Variants in ANK2 observed in about 807,000 individuals in gnomAD.
The protein encoded by ANK2 is ankyrin 2.
Under a neutral mutation model 360.5 loss-of-function variants are expected in ANK2, and 83 were observed. The ratio of observed to expected loss-of-function variants is 0.23; its 90% CI spans 0.19 to 0.28. ANK2 has a LOEUF of 0.28. Ranked by LOEUF, ANK2 falls within the 10% of genes least tolerant of loss-of-function variation. ANK2 has a pLI of 1.00. For synonymous variants in ANK2, 1,740 were observed against 1,759.5 expected, an observed-to-expected ratio of 0.99 and a Z score of 0.28; for missense variants, 4,201 against 4,795.7, an observed-to-expected ratio of 0.88 and a Z score of 3.66.
chr4:112,849,771 A>C (rs60327880), intron 1 of ANK2, among the ~76,000 whole-genome samples: 3,555 of 152,286 alleles, frequency 0.023, 123 homozygotes, highest in African/African-American at 0.08. Flanking sequence ...TGTGATGGTT[A>C]ACTTTACATG....
intron 2 of ANK2, among the ~76,000 whole-genome samples, chr4:113,040,957 G>A (rs966683988): frequency 1.3e-5 from 2 of 152,044 alleles, no homozygotes; most frequent in African/African-American, 4.8e-5. Context: ...GTTTAGGCAA[G>A]ATGCCTTCCC....
chr4:113,288,463 G>A lies in ANK2; in HGVS notation c.2254G>A (p.Ala752Thr). Residue 752 changes from alanine (A) to threonine (T), a missense_variant, in exon 20 of 46, where the codon GCA (alanine) becomes ACA (threonine). Coordinates refer to ENST00000357077, the MANE Select transcript of ANK2 (RefSeq NM_001148.6). Reference protein sequence around the residue: ...KMVNFLLKQGANVNAKTKNGY... With the variant: ...KMVNFLLKQGTNVNAKTKNGY... ...GGTCAACTTTCTTCTGAAGCAGGGA[G>A]CAAATGTTAACGCAAAAACCAAGGT... 6.2e-7 allele frequency: 1 copy of A among 1,613,912 alleles called. No individual in the cohort carries two copies. Among genetic ancestry groups the A allele is most frequent in the Non-Finnish European group, 8.5e-7 (1 of 1,179,888 alleles).
At chr4:112,964,282 A>G (rs2036190957) in intron 2 of ANK2, among the ~76,000 whole-genome samples, 1 of 151,410 alleles carries the variant, frequency 6.6e-6, no homozygotes, top group Non-Finnish European at 1.5e-5. Context: ...CAATTAAATT[A>G]TTTTTTGTAC....
intron 2 of ANK2, among the ~76,000 whole-genome samples, chr4:112,941,720 T>C (rs1281212285): frequency 3.4e-5 from 5 of 147,738 alleles, no homozygotes; most frequent in Middle Eastern, 3.6e-3. Flanking sequence ...GATATATTTA[T>C]AAAAATTATA....
At chr4:113,165,377 G>A (rs2154406626) in intron 1 of ANK2, among the ~76,000 whole-genome samples, 1 of 152,126 alleles carries the variant, frequency 6.6e-6, no homozygotes, top group Non-Finnish European at 1.5e-5. Flanking sequence ...TTCTATTGCT[G>A]GCCTGAAGAA....
intron 20 of ANK2, among the ~76,000 whole-genome samples, chr4:113,289,374 A>G (rs1321801662): frequency 6.6e-6 from 1 of 151,910 alleles, no homozygotes; most frequent in Admixed American, 6.6e-5. Context: ...TGCCCGGCTA[A>G]TTTTTAAAAG....
intron 2 of ANK2, among the ~76,000 whole-genome samples, chr4:112,968,875 T>G (rs1252831705): frequency 6.6e-6 from 1 of 152,202 alleles, no homozygotes; most frequent in Non-Finnish European, 1.5e-5. Context: ...CATTTTAATT[T>G]GGTAATAGAT....
chr4:112,957,007 GTTTTTTTTTTTT>G (rs56066718), intron 2 of ANK2, among the ~76,000 whole-genome samples: 5 of 66,484 alleles, frequency 7.5e-5, no homozygotes, highest in African/African-American at 2.4e-4. Flanking sequence ...TATTGCTCTT[GTTTTTTTTTTTT>G]TTTTTTTTTT....
At chr4:112,984,022 C>T (rs756403356) in intron 2 of ANK2, among the ~76,000 whole-genome samples, 1 of 152,102 alleles carries the variant, frequency 6.6e-6, no homozygotes, top group Non-Finnish European at 1.5e-5. Flanking sequence ...ATTTGACATC[C>T]CACTGCCTAA....
rs1361013948 is a variant in ANK2 at position 113,097,887 on chromosome 4, C to T, written c.84+48075C>T. On this transcript the variant is annotated intron_variant, in intron 1 of 45. Transcript: ENST00000357077. ...GTGTGTATATATATGCACACACACACACACGCACACACACATATATATGTA... is the reference window on the plus strand; with the variant it reads ...GTGTGTATATATATGCACACACACATACACGCACACACACATATATATGTA... Among the ~76,000 whole-genome samples the T allele has an allele frequency of 1.4e-3, 119 of 83,976 alleles. 1 individual carries two copies. Among genetic ancestry groups the T allele is most frequent in the South Asian group, 4.4e-3 (10 of 2,284 alleles). 55.1% of individuals were successfully genotyped at this position (83,976 alleles called of 152,430 possible).
chr4:113,006,586 C>T (rs561505721), intron 2 of ANK2, among the ~76,000 whole-genome samples: 38 of 152,204 alleles, frequency 2.5e-4, no homozygotes, highest in African/African-American at 8.7e-4. Context: ...TATAAATGGG[C>T]ACAGGATTTC....
chr4:113,217,483 G>A (rs552689487), intron 4 of ANK2, among the ~76,000 whole-genome samples: 1 of 152,114 alleles, frequency 6.6e-6, no homozygotes, highest in African/African-American at 2.4e-5. Flanking sequence ...CCAAAGCAGC[G>A]GTTGCCAAGG....
At chr4:112,852,864 C>T (rs1286205026) in intron 1 of ANK2, among the ~76,000 whole-genome samples, 1 of 152,178 alleles carries the variant, frequency 6.6e-6, no homozygotes, top group Non-Finnish European at 1.5e-5. Flanking sequence ...GGAGAAAAGA[C>T]AGATCGTCGT....
Position 113,302,856 on chromosome 4 carries a change from A to G in ANK2, c.2548+17A>G, listed in dbSNP as rs1587708241. On this transcript the variant is annotated intron_variant, in intron 23 of 45. Transcript: ENST00000357077. ...ATGAAGAGGGTAAGACTTCTATTCA[A>G]TCTTCTATGACACCTGTCATGTTCT... 2.5e-6 allele frequency: 4 copies of G among 1,598,902 alleles called. No homozygotes were observed. In the East Asian group the frequency reaches 6.7e-5, roughly 27 times the overall value.
chr4:112,978,391 A>G (rs2042098122), intron 2 of ANK2, among the ~76,000 whole-genome samples: 1 of 152,218 alleles, frequency 6.6e-6, no homozygotes, highest in South Asian at 2.1e-4. Flanking sequence ...TGGATTAAGT[A>G]TATTCACATT....
intron 24 of ANK2, among the ~76,000 whole-genome samples, chr4:113,314,428 C>A (rs899127695): frequency 6.6e-6 from 1 of 152,000 alleles, no homozygotes; most frequent in Non-Finnish European, 1.5e-5. Flanking sequence ...GCAGTTGTAC[C>A]GTAGTAAAAT....
intron 2 of ANK2, among the ~76,000 whole-genome samples, chr4:113,009,334 A>G (rs981357235): frequency 6.6e-6 from 1 of 152,162 alleles, no homozygotes. Context: ...TATATTCACT[A>G]TTTTAAAATT....
the ANK2 span, among the ~76,000 whole-genome samples, chr4:112,757,432 C>T: frequency 3.9e-5 from 6 of 152,144 alleles, no homozygotes; most frequent in African/African-American, 1.4e-4. Flanking sequence ...TGACTTTTCT[C>T]ATCAGTAACT....
chr4:112,868,241 A>C (rs1164068811), intron 1 of ANK2, among the ~76,000 whole-genome samples: 1 of 152,240 alleles, frequency 6.6e-6, no homozygotes, highest in Non-Finnish European at 1.5e-5. Flanking sequence ...TTGCAATGCT[A>C]TAACAGACTA....
Sources: gnomAD v4.1 joint callset for allele counts (sites outside exome capture counted in the v4.1 genomes callset) on GRCh38, gnomAD v4.1.1 for gene constraint, MANE v1.5 for transcripts, NCBI Gene and HGNC (gene_info 2026-07-23, HGNC 2026-07-21) for gene names.